SLC67A1: variants seen among roughly 807,000 people sequenced by gnomAD.
SLC67A1 encodes solute carrier family 67 member 1, also known as solute carrier family 67 member A1.
At chr11:2,913,641 T>C in the SLC67A1 span, among the ~76,000 whole-genome samples, 1 of 152,196 alleles carries the variant, frequency 6.6e-6, no homozygotes, top group Non-Finnish European at 1.5e-5. Flanking sequence ...CTCTCAGCCC[T>C]GGGCTGGACA....
the SLC67A1 span, among the ~76,000 whole-genome samples, chr11:2,917,581 C>T: frequency 7.2e-5 from 11 of 152,246 alleles, no homozygotes; most frequent in Non-Finnish European, 5.9e-5. Flanking sequence ...TTGCCATTGT[C>T]TTCCTCTGGG....
At chr11:2,922,545 C>A in the SLC67A1 span, 1 of 1,612,560 alleles carries the variant, frequency 6.2e-7, no homozygotes, top group African/African-American at 1.3e-5. Flanking sequence ...GCTGTCTCCA[C>A]CTCGGACACA....
the SLC67A1 span, chr11:2,903,809 C>G: frequency 2.7e-6 from 1 of 371,184 alleles, no homozygotes; most frequent in African/African-American, 2.0e-5. Context: ...CAGCCTTTGC[C>G]CTCTGGAGTC....
At chr11:2,925,160 G>A in the SLC67A1 span, 13 of 1,613,754 alleles carry the variant, frequency 8.1e-6, no homozygotes, top group Non-Finnish European at 1.0e-5. This position sits in a 1 kb window ranked among gnomAD's most constrained non-coding sequence, Gnocchi z 6.5. Flanking sequence ...GTCCTCTGGA[G>A]GAAACCTATG....
the SLC67A1 span, chr11:2,922,546 C>T: frequency 6.2e-7 from 1 of 1,612,542 alleles, no homozygotes; most frequent in Non-Finnish European, 8.5e-7. Flanking sequence ...CTGTCTCCAC[C>T]TCGGACACAG....
chr11:2,912,374 C>T, the SLC67A1 span, among the ~76,000 whole-genome samples: 32 of 151,982 alleles, frequency 2.1e-4, no homozygotes, highest in Non-Finnish European at 4.1e-4. Flanking sequence ...CCTCTTGGTC[C>T]AGCTGCCCCA....
the SLC67A1 span, chr11:2,915,044 A>C: frequency 3.5e-3 from 3,480 of 985,410 alleles, 86 homozygotes; most frequent in African/African-American, 0.056. Context: ...TGGGTGCTGC[A>C]GGAGTCGGAG....
the SLC67A1 span, chr11:2,915,113 C>T: frequency 4.1e-6 from 4 of 985,388 alleles, no homozygotes; most frequent in Non-Finnish European, 4.8e-6. Flanking sequence ...CCAGCACCCC[C>T]CTAGACTGAT....
chr11:2,900,212 G>A, the SLC67A1 span, among the ~76,000 whole-genome samples: 1 of 152,140 alleles, frequency 6.6e-6, no homozygotes, highest in Non-Finnish European at 1.5e-5. Flanking sequence ...GAGGATCTGG[G>A]GACACGCACT....
chr11:2,924,430 G>A, the SLC67A1 span, among the ~76,000 whole-genome samples: 1 of 152,142 alleles, frequency 6.6e-6, no homozygotes, highest in Non-Finnish European at 1.5e-5. This position sits in a 1 kb window ranked among gnomAD's most constrained non-coding sequence, Gnocchi z 8.6. Flanking sequence ...TGGGATGGGG[G>A]TGTCATGCCC....
the SLC67A1 span, among the ~76,000 whole-genome samples, chr11:2,904,987 G>A: frequency 6.6e-6 from 1 of 152,244 alleles, no homozygotes; most frequent in South Asian, 2.1e-4. Context: ...TGTAGTGGGT[G>A]TGAGAGAAAG....
the SLC67A1 span, chr11:2,903,185 G>A: frequency 2.0e-6 from 3 of 1,472,096 alleles, no homozygotes; most frequent in Non-Finnish European, 9.0e-7. Context: ...ACTGGGGAGG[G>A]GGTCCTGCAG....
chr11:2,915,064 T>A, the SLC67A1 span: 2 of 985,292 alleles, frequency 2.0e-6, no homozygotes, highest in Admixed American at 1.2e-4. Flanking sequence ...GCTGCCCTGA[T>A]GGATTGGCGG....
chr11:2,907,423 C>T, the SLC67A1 span, among the ~76,000 whole-genome samples: 1 of 152,208 alleles, frequency 6.6e-6, no homozygotes, highest in Non-Finnish European at 1.5e-5. The surrounding 1 kb of genome is among the most constrained non-coding windows in gnomAD (Gnocchi z 6.7). Flanking sequence ...GTGGCCACAT[C>T]ACTCTGTCTT....
the SLC67A1 span, chr11:2,914,936 C>G: frequency 1.0e-6 from 1 of 985,322 alleles, no homozygotes; most frequent in Admixed American, 6.1e-5. Context: ...GGCGCCCGAG[C>G]CCAGCCGTTC....
chr11:2,903,153 G>A, the SLC67A1 span: 13 of 1,372,790 alleles, frequency 9.5e-6, no homozygotes, highest in Non-Finnish European at 9.5e-6. Context: ...GTCCTCTAAG[G>A]TCCAGGTAGC....
chr11:2,909,047 G>C, the SLC67A1 span: 1 of 662,712 alleles, frequency 1.5e-6, no homozygotes, highest in Non-Finnish European at 2.4e-6. Context: ...GAGGAGGGAG[G>C]CCTCCCAGCA....
chr11:2,913,363 C>T, the SLC67A1 span, among the ~76,000 whole-genome samples: 1 of 152,012 alleles, frequency 6.6e-6, no homozygotes, highest in African/African-American at 2.4e-5. Context: ...GCTGGACAGG[C>T]CTCCTGCTGG....
At chr11:2,913,092 C>A in the SLC67A1 span, among the ~76,000 whole-genome samples, 8 of 152,138 alleles carry the variant, frequency 5.3e-5, no homozygotes, top group South Asian at 1.7e-3. Context: ...TAACAGGGCA[C>A]CTGCTGTACA....
Sources: gnomAD v4.1 joint callset for allele counts (sites outside exome capture counted in the v4.1 genomes callset) on GRCh38, gnomAD v4.1.1 for gene constraint, Gnocchi (gnomAD v3.1) non-coding constraint, MANE v1.5 for transcripts, NCBI Gene and HGNC (gene_info 2026-07-23, HGNC 2026-07-21) for gene names.